Variants in PARD3 observed in about 807,000 individuals in gnomAD.
The protein encoded by PARD3 is par-3 family cell polarity regulator.
A neutral mutation model predicts 155.4 loss-of-function variants in PARD3; 75 were observed. That is an observed-to-expected ratio of 0.48 (90% CI 0.40 to 0.58). The LOEUF (loss-of-function observed/expected upper bound fraction) is 0.58. PARD3 is among the 20% of genes least tolerant of loss of function. The pLI is 0.00. For synonymous variants in PARD3, 576 were observed against 610.5 expected, an observed-to-expected ratio of 0.94 and a Z score of 0.83; for missense variants, 1,642 against 1,721.7, an observed-to-expected ratio of 0.95 and a Z score of 0.82.
chr10:34,226,112 G>A (rs1461196548), intron 22 of PARD3, among the ~76,000 whole-genome samples: 2 of 152,058 alleles, frequency 1.3e-5, no homozygotes, highest in Non-Finnish European at 2.9e-5. Flanking sequence ...TTATAAAAAC[G>A]GAGGCAAAAG....
At chr10:34,645,309 G>A (rs895775762) in intron 2 of PARD3, among the ~76,000 whole-genome samples, 29 of 151,958 alleles carry the variant, frequency 1.9e-4, no homozygotes, top group African/African-American at 7.0e-4. Flanking sequence ...AGGTTCAAGA[G>A]ATTCTCATGC....
chr10:34,734,645 T>A (rs530692587), intron 1 of PARD3, among the ~76,000 whole-genome samples: 8 of 152,318 alleles, frequency 5.3e-5, no homozygotes, highest in East Asian at 3.9e-4. Context: ...TCACATGCTG[T>A]GTTGAAACAA....
At chr10:34,248,050 C>T (rs1954072634) in intron 22 of PARD3, among the ~76,000 whole-genome samples, 1 of 152,132 alleles carries the variant, frequency 6.6e-6, no homozygotes, top group Non-Finnish European at 1.5e-5. Context: ...TACCAGTTGC[C>T]TACAGTTCTT....
At chr10:34,268,663 C>T (rs1955459100) in intron 22 of PARD3, among the ~76,000 whole-genome samples, 1 of 151,860 alleles carries the variant, frequency 6.6e-6, no homozygotes, top group African/African-American at 2.4e-5. Flanking sequence ...TCATTCTCAG[C>T]AAACTATTGC....
intron 2 of PARD3, among the ~76,000 whole-genome samples, chr10:34,552,315 T>G (rs2084644935): frequency 6.6e-6 from 1 of 152,218 alleles, no homozygotes; most frequent in Admixed American, 6.5e-5. Context: ...TCATCCAGGC[T>G]GGAGTTAAAC....
chr10:34,774,334 G>C (rs547338280), intron 1 of PARD3, among the ~76,000 whole-genome samples: 3 of 152,292 alleles, frequency 2.0e-5, no homozygotes, highest in African/African-American at 7.2e-5. Flanking sequence ...CTAAGGTTAA[G>C]ACAAAATTAT....
At chr10:34,759,131 A>T (rs1489237464) in intron 1 of PARD3, among the ~76,000 whole-genome samples, 1 of 152,236 alleles carries the variant, frequency 6.6e-6, no homozygotes, top group Non-Finnish European at 1.5e-5. Flanking sequence ...AAAAAGAAAA[A>T]AAAACTCAAT....
chr10:34,205,068 C>A (rs1415007014), intron 22 of PARD3, among the ~76,000 whole-genome samples: 1 of 152,154 alleles, frequency 6.6e-6, no homozygotes, highest in African/African-American at 2.4e-5. Flanking sequence ...AGTTGGAAAA[C>A]AACACACTGT....
At chr10:34,137,703 C>A (rs1947975893) in intron 22 of PARD3, among the ~76,000 whole-genome samples, 1 of 152,162 alleles carries the variant, frequency 6.6e-6, no homozygotes, top group Non-Finnish European at 1.5e-5. Flanking sequence ...TCTACCATAA[C>A]AAGAACATGC....
intron 1 of PARD3, among the ~76,000 whole-genome samples, chr10:34,736,030 T>C (rs982306493): frequency 2.1e-5 from 3 of 145,302 alleles, no homozygotes; most frequent in East Asian, 3.9e-4. Flanking sequence ...AACTTGTTAC[T>C]TTTTTTTTTC....
chr10:34,619,050 T>A (rs1564424031), intron 2 of PARD3, among the ~76,000 whole-genome samples: 1 of 150,872 alleles, frequency 6.6e-6, no homozygotes, highest in Non-Finnish European at 1.5e-5. Context: ...AAGCCTTTTT[T>A]TTTTTTCTTT....
chr10:34,464,209 G>C (rs2077865138), intron 4 of PARD3, among the ~76,000 whole-genome samples: 1 of 152,040 alleles, frequency 6.6e-6, no homozygotes, highest in Non-Finnish European at 1.5e-5. Flanking sequence ...GAATCTGTTG[G>C]TGTGAGTAAT....
At chr10:34,447,479 TCAAAAAAAAAAAAAAA>T (rs2076802437) in intron 5 of PARD3, among the ~76,000 whole-genome samples, 1 of 23,754 alleles carries the variant, frequency 4.2e-5, no homozygotes, top group African/African-American at 1.2e-4. Context: ...AGACTGCGTC[TCAAAAAAAAAAAAAAA>T]AAAAAAAAAA....
At chr10:34,740,792 CA>C (rs1359814264) in intron 1 of PARD3, among the ~76,000 whole-genome samples, 1 of 152,060 alleles carries the variant, frequency 6.6e-6, no homozygotes, top group Non-Finnish European at 1.5e-5. Flanking sequence ...CTAGACTTCA[CA>C]GCATAAAAAA....
chr10:34,674,772 C>G (rs2093673690), intron 2 of PARD3, among the ~76,000 whole-genome samples: 1 of 152,138 alleles, frequency 6.6e-6, no homozygotes, highest in Non-Finnish European at 1.5e-5. Context: ...CAGGCGTGAG[C>G]CACCGTGCCC....
intron 1 of PARD3, among the ~76,000 whole-genome samples, chr10:34,796,889 G>A (rs1698307151): frequency 6.6e-6 from 1 of 152,224 alleles, no homozygotes; most frequent in Non-Finnish European, 1.5e-5. Flanking sequence ...GGAGGCTGAT[G>A]CAGGAGAATC....
intron 20 of PARD3, among the ~76,000 whole-genome samples, chr10:34,297,761 T>G (rs2007655): frequency 0.51 from 76,907 of 152,092 alleles, 19,558 homozygotes; most frequent in Middle Eastern, 0.6. Flanking sequence ...CGAGGCCACC[T>G]GGCTTCAGAG....
At chr10:34,597,751 G>A (rs558255173) in intron 2 of PARD3, among the ~76,000 whole-genome samples, 6 of 152,214 alleles carry the variant, frequency 3.9e-5, no homozygotes, top group South Asian at 2.1e-4. Flanking sequence ...AGAAGATGAC[G>A]TCTCTGGGTA....
chr10:34,540,416 G>A (rs951627970), intron 2 of PARD3, among the ~76,000 whole-genome samples: 8 of 151,976 alleles, frequency 5.3e-5, no homozygotes, highest in African/African-American at 1.4e-4. Flanking sequence ...GGTGGATGGC[G>A]GGGAGACTAC....
Sources: gnomAD v4.1 joint callset for allele counts (sites outside exome capture counted in the v4.1 genomes callset) on GRCh38, gnomAD v4.1.1 for gene constraint, MANE v1.5 for transcripts, NCBI Gene and HGNC (gene_info 2026-07-23, HGNC 2026-07-21) for gene names.